The following NEK11 variants were observed in gnomAD, a reference collection of about 807,000 sequenced individuals.
NEK11 encodes the protein serine/threonine-protein kinase Nek11.
Under a neutral mutation model 80.7 loss-of-function variants are expected in NEK11, and 72 were observed. That is an observed-to-expected ratio of 0.89 (90% CI 0.74 to 1.08). The LOEUF (loss-of-function observed/expected upper bound fraction) is 1.08. Among genes scored for constraint, NEK11 ranks in the 50% least tolerant of loss-of-function variants. NEK11 has a pLI of 0.00. For missense variants in NEK11, 764 were observed against 763.6 expected, an observed-to-expected ratio of 1.00 and a Z score of -0.01; for synonymous variants, 251 against 260.7, an observed-to-expected ratio of 0.96 and a Z score of 0.36.
At chr3:131,219,970 G>A (rs147449185) in intron 14 of NEK11, among the ~76,000 whole-genome samples, 1,767 of 152,272 alleles carry the variant, frequency 0.012, 34 homozygotes, top group African/African-American at 0.04. Flanking sequence ...AATAAGCAAC[G>A]GAGGCAGAAT....
At chr3:131,195,793 A>AATAT (rs58272752) in intron 14 of NEK11, among the ~76,000 whole-genome samples, 7,814 of 133,760 alleles carry the variant, frequency 0.058, 266 homozygotes, top group African/African-American at 0.084. Context: ...TATATTTCAG[A>AATAT]ATATATATAT....
At chr3:131,292,051 G>C (rs2096549349) in intron 17 of NEK11, among the ~76,000 whole-genome samples, 1 of 152,120 alleles carries the variant, frequency 6.6e-6, no homozygotes. Context: ...TTATAGTCTT[G>C]CACTTTACAT....
At chr3:131,133,252 A>G (rs1330024090) in intron 6 of NEK11, 1 of 455,518 alleles carries the variant, frequency 2.2e-6, no homozygotes, top group Admixed American at 2.4e-5. Flanking sequence ...TTAGTTCTTC[A>G]GAACTGTACC....
chr3:131,193,067 AAT>A (rs1291555120), intron 14 of NEK11, among the ~76,000 whole-genome samples: 12 of 152,354 alleles, frequency 7.9e-5, no homozygotes, highest in African/African-American at 2.2e-4. Context: ...AGAATTTAAA[AAT>A]AGTCACTTAA....
intron 14 of NEK11, among the ~76,000 whole-genome samples, chr3:131,214,752 C>T (rs1187616924): frequency 2.0e-5 from 3 of 151,430 alleles, no homozygotes; most frequent in Non-Finnish European, 4.4e-5. Context: ...TTTTAGTACA[C>T]TCAGTCAAAT....
At chr3:131,114,449 T>G (rs973199701) in intron 5 of NEK11, among the ~76,000 whole-genome samples, 3 of 152,196 alleles carry the variant, frequency 2.0e-5, no homozygotes, top group African/African-American at 7.2e-5. Context: ...TTGACAGATA[T>G]GGGTCATCTG....
intron 4 of NEK11, among the ~76,000 whole-genome samples, chr3:131,103,975 C>T (rs559488253): frequency 6.6e-6 from 1 of 152,322 alleles, no homozygotes; most frequent in South Asian, 2.1e-4. Context: ...GGGGGTGCCA[C>T]CCCAAAGAAA....
chr3:131,036,053 C>T (rs1354895862), intron 3 of NEK11, among the ~76,000 whole-genome samples: 1 of 152,176 alleles, frequency 6.6e-6, no homozygotes, highest in Non-Finnish European at 1.5e-5. Context: ...TGCCATCCAA[C>T]CTGTGGTCTT....
At chr3:131,105,447 T>C (rs2079038191) in intron 4 of NEK11, among the ~76,000 whole-genome samples, 1 of 152,224 alleles carries the variant, frequency 6.6e-6, no homozygotes, top group Non-Finnish European at 1.5e-5. Flanking sequence ...ACAGACTTTT[T>C]GTATTAGTCC....
intron 9 of NEK11, among the ~76,000 whole-genome samples, chr3:131,152,963 T>C (rs913139960): frequency 6.6e-6 from 1 of 152,126 alleles, no homozygotes; most frequent in African/African-American, 2.4e-5. Flanking sequence ...GGTGCGTGTC[T>C]TTAGTCCCAG....
intron 4 of NEK11, among the ~76,000 whole-genome samples, chr3:131,087,616 C>T (rs184942458): frequency 2.1e-3 from 319 of 152,248 alleles, no homozygotes; most frequent in Non-Finnish European, 2.0e-3. Context: ...TACTATAAAA[C>T]GGAACATTTG....
chr3:131,326,766 T>C (rs2096973742), intron 17 of NEK11, among the ~76,000 whole-genome samples: 1 of 152,188 alleles, frequency 6.6e-6, no homozygotes. Context: ...AGCTTGCGTC[T>C]CCTCTGCTAG....
intron 14 of NEK11, among the ~76,000 whole-genome samples, chr3:131,215,345 C>T (rs1009837207): frequency 2.0e-5 from 3 of 151,662 alleles, no homozygotes; most frequent in African/African-American, 4.8e-5. Flanking sequence ...ATGGGTGCAG[C>T]ACACCAACAT....
At chr3:131,150,754 T>A (rs1267145986) in intron 7 of NEK11, among the ~76,000 whole-genome samples, 1 of 152,054 alleles carries the variant, frequency 6.6e-6, no homozygotes, top group Non-Finnish European at 1.5e-5. Context: ...TTTTGTAGAG[T>A]TAATATTCAT....
chr3:131,289,170 G>A (rs2096516075), intron 17 of NEK11, among the ~76,000 whole-genome samples: 1 of 152,180 alleles, frequency 6.6e-6, no homozygotes, highest in African/African-American at 2.4e-5. Flanking sequence ...CTTACAGATG[G>A]CTGTCTTCTT....
intron 17 of NEK11, among the ~76,000 whole-genome samples, chr3:131,314,853 C>G (rs971693420): frequency 5.9e-5 from 9 of 152,160 alleles, no homozygotes; most frequent in Admixed American, 5.9e-4. Flanking sequence ...ACATTATTCA[C>G]TCATTATTCA....
At chr3:131,036,379 A>G (rs1483607158) in intron 3 of NEK11, among the ~76,000 whole-genome samples, 1 of 152,238 alleles carries the variant, frequency 6.6e-6, no homozygotes, top group Non-Finnish European at 1.5e-5. Context: ...TGCTTGAGTC[A>G]TACTCCAGTG....
In NEK11 at chr3:131,225,053, T is replaced by C. The variant is rs564611039; in HGVS notation, c.1400-3475T>C. On this transcript the variant is annotated intron_variant, in intron 14 of 17. Coordinates refer to ENST00000383366, the MANE Select transcript of NEK11 (RefSeq NM_024800.5). ...ATAAGTCTGTAGTAGCGTACAGTAA[T>C]GTTCTAGGCCTTCGCATTCACTCAC... is the stretch of plus-strand genomic sequence containing the variant. 7.9e-5 allele frequency among the ~76,000 whole-genome samples: 12 copies of C among 152,338 alleles called. No individual in the cohort carries two copies. In the East Asian group the frequency reaches 2.3e-3, roughly 29 times the overall value.
chr3:131,073,389 T>C (rs1467496521), intron 3 of NEK11, among the ~76,000 whole-genome samples: 1 of 152,222 alleles, frequency 6.6e-6, no homozygotes, highest in Non-Finnish European at 1.5e-5. Flanking sequence ...ATGAAAGTTG[T>C]CACCACAAAT....
Sources: allele counts gnomAD v4.1 joint callset (sites outside exome capture counted in the v4.1 genomes callset), GRCh38; gene constraint gnomAD v4.1.1; transcripts MANE v1.5; gene names NCBI Gene and HGNC (gene_info 2026-07-23, HGNC 2026-07-21).